XRN1: variants seen among roughly 807,000 people sequenced by gnomAD.
XRN1 encodes 5'-3' exoribonuclease 1, also known as strand-exchange protein 1 homolog.
A neutral mutation model predicts 222.3 loss-of-function variants in XRN1; 67 were observed. The ratio of observed to expected loss-of-function variants is 0.30; its 90% CI spans 0.25 to 0.37. The LOEUF is 0.37. Ranked by LOEUF, XRN1 falls within the 10% of genes least tolerant of loss-of-function variation. The pLI, the probability that XRN1 is intolerant of heterozygous loss-of-function variation, is 1.00. For missense variants in XRN1, 1,707 were observed against 2,000.2 expected, an observed-to-expected ratio of 0.85 and a Z score of 2.80; for synonymous variants, 643 against 652.4, an observed-to-expected ratio of 0.99 and a Z score of 0.22.
At chr3:142,412,398 G>C (rs1380439834) in intron 15 of XRN1, 146 bp downstream of exon 15, 1 of 1,165,024 alleles carries the variant, frequency 8.6e-7, no homozygotes, top group African/African-American at 1.6e-5. Flanking sequence ...GGCATACCTG[G>C]AAGTTTTTAT....
At chr3:142,354,350 T>C (rs1275688366) in intron 32 of XRN1, among the ~76,000 whole-genome samples, 1 of 152,188 alleles carries the variant, frequency 6.6e-6, no homozygotes, top group East Asian at 1.9e-4. Context: ...GTTCAGCCAC[T>C]GTAGAAAGTA....
Position 142,370,563 on chromosome 3 carries a change from T to C in XRN1, c.3126A>G (p.Leu1042=). 6.8e-6 allele frequency: 11 copies of C among 1,608,182 alleles called. No individual in the cohort carries two copies. The highest frequency in any genetic ancestry group is 9.3e-6 in the Non-Finnish European group (11 of 1,178,008). ...TWLKGHPVST[L]SRSSCDLQIL... ...TTTGTAAATCACAAGAAGAACGAGATAAAGTACTGACAGGATGTCCTTTTA... is the reference window on the plus strand; with the variant it reads ...TTTGTAAATCACAAGAAGAACGAGACAAAGTACTGACAGGATGTCCTTTTA... Residue 1042 remains leucine, a synonymous_variant, in exon 27 of 41, where the codon TTA becomes TTG. Coordinates refer to ENST00000392981, the MANE Select transcript of XRN1 (RefSeq NM_001282857.2).
At chr3:142,424,165 C>T in intron 5 of XRN1, among the ~76,000 whole-genome samples, 1 of 152,072 alleles carries the variant, frequency 6.6e-6, no homozygotes, top group East Asian at 1.9e-4. Context: ...GCGATCTTGG[C>T]TCACTGCAAC....
chr3:142,360,925 A>C (rs2066609219), intron 29 of XRN1, among the ~76,000 whole-genome samples: 1 of 151,992 alleles, frequency 6.6e-6, no homozygotes, highest in South Asian at 2.1e-4. Context: ...CTGAGGTATA[A>C]CTGACATATG....
chr3:142,351,270 A>G (rs1342838107), intron 32 of XRN1, among the ~76,000 whole-genome samples: 1 of 152,200 alleles, frequency 6.6e-6, no homozygotes, highest in East Asian at 1.9e-4. Context: ...ACTGACAAAG[A>G]AGACTGAGAA....
chr3:142,346,524 C>T (rs1370194231), intron 33 of XRN1, among the ~76,000 whole-genome samples: 1 of 151,792 alleles, frequency 6.6e-6, no homozygotes, highest in Non-Finnish European at 1.5e-5. Flanking sequence ...CTCTGTCACC[C>T]AGGCTGGAGT....
chr3:142,311,460 T>C lies in XRN1; in HGVS notation c.*51A>G. 1 of 1,456,820 alleles carries C rather than the reference T, an allele frequency of 6.9e-7. No individual in the cohort carries two copies. The highest frequency in any genetic ancestry group is 9.2e-7 in the Non-Finnish European group (1 of 1,081,548). 90.2% of individuals were successfully genotyped at this position (1,456,820 alleles called of 1,614,324 possible). On this transcript the variant is annotated 3_prime_UTR_variant, in exon 41 of 41. Coordinates refer to ENST00000392981, the MANE Select transcript of XRN1 (RefSeq NM_001282857.2). ...TTTATGAGACATAGATATGTATTTA[T>C]AAAAAGGTAGATGGAAAGAGAAGAA...
chr3:142,400,252 T>C (rs2068076610), intron 19 of XRN1, among the ~76,000 whole-genome samples, 192 bp downstream of exon 19: 1 of 152,208 alleles, frequency 6.6e-6, no homozygotes, highest in African/African-American at 2.4e-5. Context: ...ATCTAAAATA[T>C]CTCAAGAGAG....
intron 37 of XRN1, among the ~76,000 whole-genome samples, chr3:142,323,446 T>C (rs983102447): frequency 3.9e-5 from 6 of 152,112 alleles, no homozygotes; most frequent in Non-Finnish European, 8.8e-5. Context: ...CCTCCCAAAG[T>C]GCTGGGATTA....
chr3:142,383,202 CTTCA>C (rs2067366556), intron 22 of XRN1, 94 bp downstream of exon 22: 2 of 958,716 alleles, frequency 2.1e-6, no homozygotes, highest in East Asian at 5.3e-5. Flanking sequence ...TATTTTTTCC[CTTCA>C]TTATTATATT....
chr3:142,368,393 C>T (rs186885987), intron 27 of XRN1, among the ~76,000 whole-genome samples: 55 of 152,280 alleles, frequency 3.6e-4, no homozygotes, highest in African/African-American at 1.3e-3. Flanking sequence ...AGGTGATCCA[C>T]CCGCCTTGGC....
intron 15 of XRN1, among the ~76,000 whole-genome samples, chr3:142,408,771 G>A (rs1274427936): frequency 1.3e-5 from 2 of 152,200 alleles, no homozygotes; most frequent in Admixed American, 6.5e-5. Context: ...GAAACTGCCA[G>A]ATAGATATGA....
At chr3:142,324,440 G>A (rs570951987) in intron 37 of XRN1, among the ~76,000 whole-genome samples, 1 of 151,974 alleles carries the variant, frequency 6.6e-6, no homozygotes, top group South Asian at 2.1e-4. Context: ...ATTTTTTATG[G>A]CTGCATAGTA....
At chr3:142,349,468 G>T (rs945671168) in intron 32 of XRN1, among the ~76,000 whole-genome samples, 3 of 151,900 alleles carry the variant, frequency 2.0e-5, no homozygotes, top group African/African-American at 7.3e-5. Flanking sequence ...TATCATTATA[G>T]TAATGCTACT....
Position 142,410,487 on chromosome 3 carries a change from G to GTTTTTTTTTTT in XRN1, c.1713+2046_1713+2056dup, listed in dbSNP as rs751870329. Among the ~76,000 whole-genome samples the GTTTTTTTTTTT allele has an allele frequency of 1.0e-4, 7 of 68,070 alleles. 2 individuals are homozygous for GTTTTTTTTTTT. The highest frequency in any genetic ancestry group is 1.3e-4 in the Non-Finnish European group (5 of 39,110). 44.7% of individuals were successfully genotyped at this position (68,070 alleles called of 152,430 possible). On this transcript the variant is annotated intron_variant, in intron 15 of 40. Coordinates refer to ENST00000392981, the MANE Select transcript of XRN1 (RefSeq NM_001282857.2). ...TATACGCTGTCAGATTCTATCTCAT[G>GTTTTTTTTTTT]TTTTTTTTTTTTTTTTTTTTTTTTT...
At chr3:142,332,584 T>C in intron 35 of XRN1, 50 bp from the exon 36 acceptor site, 3 of 1,498,658 alleles carry the variant, frequency 2.0e-6, no homozygotes, top group Non-Finnish European at 1.8e-6. Context: ...GAGAACAAAG[T>C]CAACATTACA....
chr3:142,316,075 T>C (rs2065204354), intron 39 of XRN1, among the ~76,000 whole-genome samples: 1 of 152,170 alleles, frequency 6.6e-6, no homozygotes, highest in Admixed American at 6.5e-5. Context: ...GTTATCTATT[T>C]GTGGTATGTG....
intron 33 of XRN1, among the ~76,000 whole-genome samples, chr3:142,340,047 C>T (rs1030558478): frequency 3.3e-5 from 5 of 151,796 alleles, no homozygotes; most frequent in Non-Finnish European, 7.4e-5. Context: ...AATCAGTGAG[C>T]TTGAATGGGC....
intron 39 of XRN1, among the ~76,000 whole-genome samples, chr3:142,314,786 C>T (rs2065162272): frequency 6.6e-6 from 1 of 151,350 alleles, no homozygotes; most frequent in Non-Finnish European, 1.5e-5. Flanking sequence ...GTGCCATAGT[C>T]CCAGCCACTT....
Sources: allele counts gnomAD v4.1 joint callset (sites outside exome capture counted in the v4.1 genomes callset), GRCh38; gene constraint gnomAD v4.1.1; transcripts MANE v1.5; gene names NCBI Gene and HGNC (gene_info 2026-07-23, HGNC 2026-07-21).